The following UMODL1 variants were observed in gnomAD, a reference collection of about 807,000 sequenced individuals.
UMODL1 encodes the protein uromodulin like 1, also known as uromodulin-like 1.
UMODL1 carries 128 observed loss-of-function variants against 136.3 expected under a neutral mutation model. The observed-to-expected ratio is 0.94, with a 90% confidence interval of 0.81 to 1.09. The LOEUF (loss-of-function observed/expected upper bound fraction) is 1.09. UMODL1 is among the 50% of genes least tolerant of loss of function. UMODL1 has a pLI of 0.00. For synonymous variants in UMODL1, 721 were observed against 720.0 expected (o/e 1.00, Z -0.02); for missense variants, 1,766 against 1,725.6 (o/e 1.02, Z -0.41).
intron 2 of UMODL1, among the ~76,000 whole-genome samples, chr21:42,081,227 C>T (rs1305952643): frequency 6.6e-6 from 1 of 152,154 alleles, no homozygotes; most frequent in Non-Finnish European, 1.5e-5. Context: ...TGAGAACCTC[C>T]TGTCCCGACC....
At chr21:42,131,081 A>G (rs573822628) in intron 21 of UMODL1, among the ~76,000 whole-genome samples, 80 of 152,246 alleles carry the variant, frequency 5.3e-4, no homozygotes, top group Admixed American at 3.9e-3. Context: ...CCAAAGTGCT[A>G]GGATTACAGG....
intron 22 of UMODL1, among the ~76,000 whole-genome samples, chr21:42,138,618 C>G (rs1045858255): frequency 6.6e-6 from 1 of 151,814 alleles, no homozygotes; most frequent in Admixed American, 6.6e-5. Flanking sequence ...TCTTGTTGCC[C>G]AGGTTGGAGT....
In UMODL1 at chr21:42,085,600, G is replaced by A. The variant is rs1224291448; in HGVS notation, c.603+188G>A. 1.3e-6 allele frequency: 1 copy of A among 793,710 alleles called. No individual in the cohort carries two copies. The highest frequency in any genetic ancestry group is 2.0e-6 in the Non-Finnish European group (1 of 508,388). The allele number at this position is 793,710 out of a possible 1,614,324, so 49.2% of individuals were successfully genotyped here. A position where few individuals can be genotyped will look rare whatever the true frequency, so the allele number is the denominator to read the frequency against. On this transcript the variant is annotated intron_variant, in intron 4 of 22. Transcript: ENST00000408910. This position sits in a 1 kb window ranked among gnomAD's most constrained non-coding sequence, Gnocchi z 4.5. ...AGCTTCAAAGAGGTATGATTTACAT[G>A]CAACAAAATGCACACAACTGAAGCG...
intron 17 of UMODL1, among the ~76,000 whole-genome samples, chr21:42,124,959 C>T (rs1469508312): frequency 6.6e-6 from 1 of 152,232 alleles, no homozygotes; most frequent in East Asian, 1.9e-4. Flanking sequence ...CATGGGAGTT[C>T]AGGGTCAAAG....
intron 17 of UMODL1, among the ~76,000 whole-genome samples, chr21:42,124,450 T>C (rs2067024361): frequency 6.6e-6 from 1 of 152,092 alleles, no homozygotes; most frequent in Non-Finnish European, 1.5e-5. Context: ...GAGCTGTGAA[T>C]GTATCCAAGG....
In UMODL1 at chr21:42,110,965, C is replaced by T. The variant is rs778641009; in HGVS notation, c.1743C>T (p.Leu581=). 4.2e-5 allele frequency: 68 copies of T among 1,612,996 alleles called. No individual in the cohort carries two copies. Among genetic ancestry groups the T allele is most frequent in the South Asian group, 2.1e-4 (19 of 90,778 alleles). ...GTCTTGGCACGGGAACAGCAGCCCTCGGCCTAGAGAACTTCACCTTGTCAC... is the reference window on the plus strand; with the variant it reads ...GTCTTGGCACGGGAACAGCAGCCCTTGGCCTAGAGAACTTCACCTTGTCAC... ...VPGLGTGTAA[L]GLENFTLSPS... is the part of the protein sequence containing the mutation. The change falls in exon 11 of 23, where the codon CTC becomes CTT. Residue 581 remains leucine, a synonymous_variant. Transcript: ENST00000408910.
chr21:42,130,221 C>CGT (rs112746788), intron 21 of UMODL1, among the ~76,000 whole-genome samples: 25,251 of 150,402 alleles, frequency 0.17, 2,365 homozygotes, highest in East Asian at 0.29. Flanking sequence ...GCCATGTCAA[C>CGT]GTGTGTGTGT....
intron 6 of UMODL1, among the ~76,000 whole-genome samples, chr21:42,097,060 G>A (rs2146464597): frequency 6.6e-6 from 1 of 152,284 alleles, no homozygotes; most frequent in African/African-American, 2.4e-5. Flanking sequence ...CAAGCTTTGG[G>A]CCACCCTCAG....
At chr21:42,104,220 C>A in intron 9 of UMODL1, 133 bp downstream of exon 9, 1 of 1,018,564 alleles carries the variant, frequency 9.8e-7, no homozygotes, top group Non-Finnish European at 1.4e-6. Flanking sequence ...TCTTCCTCCA[C>A]CGGAACCAGG....
intron 9 of UMODL1, among the ~76,000 whole-genome samples, chr21:42,108,914 ACCC>A (rs1212855417): frequency 1.0e-3 from 28 of 27,722 alleles, no homozygotes; most frequent in Admixed American, 1.8e-3. Flanking sequence ...GCTGACCCCC[ACCC>A]CCCCCACGAG....
In UMODL1 at chr21:42,105,739, C is replaced by T. The variant is rs921278884; in HGVS notation, c.1519+1652C>T. On this transcript the variant is annotated intron_variant, in intron 9 of 22. Transcript: ENST00000408910. ...GAAGAGGCCTGGGAAAGCCCCTTTC[C>T]TAGAGCCCCAGAGGGAGGGCGGCCC... is the stretch of plus-strand genomic sequence containing the variant. 3.9e-5 allele frequency among the ~76,000 whole-genome samples: 6 copies of T among 152,316 alleles called. No individual in the cohort carries two copies. The Middle Eastern group carries it at 0.01, about 259-fold the overall frequency.
intron 21 of UMODL1, among the ~76,000 whole-genome samples, chr21:42,135,467 A>G (rs1281908832): frequency 6.6e-6 from 1 of 152,172 alleles, no homozygotes; most frequent in Non-Finnish European, 1.5e-5. Flanking sequence ...CTGAACAGGG[A>G]TGGGTCTTTC....
chr21:42,103,668 C>T (rs954977360), intron 8 of UMODL1, 200 bp from the exon 9 acceptor site: 1 of 711,804 alleles, frequency 1.4e-6, no homozygotes, highest in Non-Finnish European at 2.6e-6. Context: ...CAGGCCAGGC[C>T]CGGCCGTCCC....
At chr21:42,063,178 C>G (rs2066155577) in exon 1 of UMODL1, 1 of 152,278 alleles carries the variant, frequency 6.6e-6, no homozygotes, top group Non-Finnish European at 1.5e-5. Flanking sequence ...AGGATGATCT[C>G]ATCTAAATTA....
chr21:42,099,163 C>T lies in UMODL1; in HGVS notation c.1169C>T (p.Thr390Met), dbSNP rs199769190. ...GGGTGCGGGGCCGACGTCTCCACCA[C>T]GCTGACCATCAAAACCAGTAAGGCC... ...YQGCGADVSTTLTIKTNAQVF... is the reference protein window; with the variant it reads ...YQGCGADVSTMLTIKTNAQVF... Residue 390 changes from threonine to methionine, a missense_variant, in exon 7 of 23, where the codon ACG becomes ATG. Transcript: ENST00000408910. This position sits in a 1 kb window ranked among gnomAD's most constrained non-coding sequence, Gnocchi z 4.1. The T allele has an allele frequency of 3.2e-4, 515 of 1,612,292 alleles. No individual in the cohort carries two copies. Among genetic ancestry groups the T allele is most frequent in the Non-Finnish European group, 3.8e-4 (454 of 1,179,630 alleles).
At position 42,113,687 on chromosome 21, in the gene UMODL1, T is replaced by G; in HGVS notation, c.2219T>G (p.Met740Arg). The G allele has an allele frequency of 6.2e-7, 1 of 1,614,044 alleles. No individual in the cohort carries two copies. The change falls in exon 13 of 23, where the codon ATG becomes AGG. Residue 740 changes from methionine to arginine, a missense_variant. Physicochemically the swap from Met to Arg is moderately conservative, Grantham distance 91. Transcript: ENST00000408910. ...DSTFQLTLTS[M>R]WSPAVVLETW... ...ACCTTCCAGCTCACTCTGACTTCCATGTGGAGCCCTGCTGTGGTCCTAGAG... is the reference window on the plus strand; with the variant it reads ...ACCTTCCAGCTCACTCTGACTTCCAGGTGGAGCCCTGCTGTGGTCCTAGAG...
chr21:42,072,202 C>T (rs986915443), intron 1 of UMODL1, among the ~76,000 whole-genome samples: 1 of 152,242 alleles, frequency 6.6e-6, no homozygotes, highest in Non-Finnish European at 1.5e-5. Flanking sequence ...GGAGTTTTCC[C>T]AGGCATGCGG....
intron 2 of UMODL1, among the ~76,000 whole-genome samples, chr21:42,083,704 G>A (rs553193703): frequency 1.4e-3 from 220 of 152,386 alleles, no homozygotes; most frequent in Non-Finnish European, 1.4e-3. Context: ...CATTGTGCCC[G>A]GCACATAGCA....
At chr21:42,071,968 A>G (rs1440264948) in intron 1 of UMODL1, among the ~76,000 whole-genome samples, 2 of 151,766 alleles carry the variant, frequency 1.3e-5, no homozygotes, top group Non-Finnish European at 2.9e-5. Flanking sequence ...GGATCACTTG[A>G]GCTTGGGAGG....
Sources: gnomAD v4.1 joint callset for allele counts (sites outside exome capture counted in the v4.1 genomes callset) on GRCh38, gnomAD v4.1.1 for gene constraint, Gnocchi (gnomAD v3.1) non-coding constraint, MANE v1.5 for transcripts, NCBI Gene and HGNC (gene_info 2026-07-23, HGNC 2026-07-21) for gene names.